The following LEMD3 variants were observed in gnomAD, a reference collection of about 807,000 sequenced individuals.
LEMD3 encodes the protein LEM domain containing 3.
In LEMD3, 33 loss-of-function variants were observed where a neutral mutation model predicts 95.2. The ratio of observed to expected loss-of-function variants is 0.35; its 90% CI spans 0.26 to 0.46. The LOEUF is 0.46. Ranked by LOEUF, LEMD3 falls within the 20% of genes least tolerant of loss-of-function variation. The pLI is 1.00. For synonymous variants in LEMD3, 525 were observed against 474.6 expected, an observed-to-expected ratio of 1.11 and a Z score of -1.38; for missense variants, 1,210 against 1,192.8, an observed-to-expected ratio of 1.01 and a Z score of -0.21.
At chr12:65,213,087 A>AAGATAGATAGATAGATAGATAGAT (rs147534273) in intron 2 of LEMD3, among the ~76,000 whole-genome samples, 274 of 152,010 alleles carry the variant, frequency 1.8e-3, no homozygotes, top group African/African-American at 6.2e-3. Flanking sequence ...CAAGACTGTA[A>AAGATAGATAGATAGATAGATAGAT]AGATAGATAG....
At chr12:65,234,254 TG>T (rs1305812465) in intron 4 of LEMD3, among the ~76,000 whole-genome samples, 2 of 152,158 alleles carry the variant, frequency 1.3e-5, no homozygotes, top group African/African-American at 4.8e-5. Flanking sequence ...GAAATTTATA[TG>T]GCTGCACAGC....
rs1186149927 is a variant in LEMD3 at position 65,169,637 on chromosome 12, A to G, written c.41A>G (p.Asp14Gly). 6.3e-7 allele frequency: 1 copy of G among 1,589,418 alleles called. No homozygotes were observed. The highest frequency in any genetic ancestry group is 2.3e-5 in the East Asian group (1 of 44,042). Residue 14 changes from aspartate to glycine, a missense_variant, in exon 1 of 13, where the codon GAT (aspartate) becomes GGT (glycine). Around this residue, in one of 2 missense-constraint regions of LEMD3, gnomAD observed 749 missense variants for 622.9 expected, o/e 1.20. Coordinates refer to ENST00000308330, the MANE Select transcript of LEMD3 (RefSeq NM_014319.5). ...AAASAPQQLS[D>G]EELFSQLRRY... The stretch of plus-strand genomic sequence containing the variant: ...GCTTCGGCGCCTCAGCAGCTCTCGG[A>G]TGAGGAGCTTTTCTCTCAGCTCCGC...
At chr12:65,188,912 T>C (rs959310081) in intron 1 of LEMD3, among the ~76,000 whole-genome samples, 1 of 152,096 alleles carries the variant, frequency 6.6e-6, no homozygotes, top group South Asian at 2.1e-4. Flanking sequence ...GAGATGACAA[T>C]GGGCACTATC....
chr12:65,244,048 A>G (rs1357661673), intron 10 of LEMD3, among the ~76,000 whole-genome samples: 1 of 152,206 alleles, frequency 6.6e-6, no homozygotes, highest in Admixed American at 6.5e-5. Flanking sequence ...AAGCTGTAAT[A>G]GTTCTTAGAA....
At chr12:65,201,783 C>T (rs1170068249) in intron 1 of LEMD3, among the ~76,000 whole-genome samples, 1 of 152,006 alleles carries the variant, frequency 6.6e-6, no homozygotes, top group Non-Finnish European at 1.5e-5. Flanking sequence ...CTTCTTATTG[C>T]ATTAGCTAGG....
chr12:65,212,582 G>A (rs12303260), intron 2 of LEMD3, among the ~76,000 whole-genome samples: 5,576 of 151,130 alleles, frequency 0.037, 344 homozygotes, highest in African/African-American at 0.13. Context: ...ATTGGCTGAG[G>A]ATTGAGGAGG....
At chr12:65,229,662 T>C (rs547389453) in intron 4 of LEMD3, among the ~76,000 whole-genome samples, 1 of 152,308 alleles carries the variant, frequency 6.6e-6, no homozygotes, top group East Asian at 1.9e-4. Flanking sequence ...ATATGCCTGT[T>C]GGTTGTTTGT....
intron 4 of LEMD3, among the ~76,000 whole-genome samples, chr12:65,230,999 T>G (rs75054382): frequency 0.038 from 5,724 of 152,172 alleles, 356 homozygotes; most frequent in African/African-American, 0.13. Context: ...TCTGTAGCCT[T>G]TAGAAGATTT....
Position 65,230,727 on chromosome 12 carries a change from A to G in LEMD3, c.1696-7775A>G, listed in dbSNP as rs577042848. Among the ~76,000 whole-genome samples, 14 of 152,246 alleles carry G rather than the reference A, an allele frequency of 9.2e-5. 1 individual carries two copies. Among genetic ancestry groups the G allele is most frequent in the African/African-American group, 2.9e-4 (12 of 41,556 alleles). On this transcript the variant is annotated intron_variant, in intron 4 of 12. Coordinates refer to ENST00000308330, the MANE Select transcript of LEMD3 (RefSeq NM_014319.5). Reference sequence around the variant, plus strand: ...ATAGGAACAATTTTTCTCCTTTCCAATTTGGATGCCCTTTATTTCTTTTTC... The same window carrying G: ...ATAGGAACAATTTTTCTCCTTTCCAGTTTGGATGCCCTTTATTTCTTTTTC...
intron 4 of LEMD3, among the ~76,000 whole-genome samples, chr12:65,234,502 A>G (rs891220970): frequency 5.3e-5 from 8 of 152,184 alleles, no homozygotes; most frequent in Admixed American, 4.6e-4. Flanking sequence ...TGCCGTATAT[A>G]TATTTGTGGA....
chr12:65,192,803 G>T (rs1869284556), intron 1 of LEMD3, among the ~76,000 whole-genome samples: 1 of 152,096 alleles, frequency 6.6e-6, no homozygotes, highest in Non-Finnish European at 1.5e-5. Flanking sequence ...AAATGATCTA[G>T]ATATTCAATG....
Position 65,207,135 on chromosome 12 carries a change from G to A in LEMD3, c.1523-3791G>A, listed in dbSNP as rs1498790. ...TGAGGTACCTCTTGAGTACATGGCA[G>A]CAGCATTATTCCTGGCGCGTATTAG... On this transcript the variant is annotated intron_variant, in intron 1 of 12. Coordinates refer to ENST00000308330, the MANE Select transcript of LEMD3 (RefSeq NM_014319.5). Among the ~76,000 whole-genome samples the A allele has an allele frequency of 5.2e-3, 795 of 152,248 alleles. 11 individuals carry two copies. Among genetic ancestry groups the A allele is most frequent in the Middle Eastern group, 0.017 (5 of 294 alleles).
intron 6 of LEMD3, 57 bp from the exon 7 acceptor site, chr12:65,239,872 T>C (rs1251455596): frequency 1.8e-6 from 2 of 1,133,012 alleles, no homozygotes; most frequent in Non-Finnish European, 2.7e-6. Context: ...ATCACTGAAA[T>C]ATTATTGAAT....
intron 1 of LEMD3, among the ~76,000 whole-genome samples, chr12:65,183,967 C>T (rs756007184): frequency 1.3e-5 from 2 of 151,944 alleles, no homozygotes; most frequent in African/African-American, 4.8e-5. Flanking sequence ...AGGACCGTGG[C>T]GGCAGATAAG....
chr12:65,233,206 A>C (rs1870681352), intron 4 of LEMD3, among the ~76,000 whole-genome samples: 1 of 152,174 alleles, frequency 6.6e-6, no homozygotes, highest in Non-Finnish European at 1.5e-5. Flanking sequence ...AATAGAACCA[A>C]AGTACTTGCT....
chr12:65,209,464 A>AT (rs779760514), intron 1 of LEMD3, among the ~76,000 whole-genome samples: 4 of 152,122 alleles, frequency 2.6e-5, no homozygotes, highest in South Asian at 2.1e-4. Context: ...ATGACAAGGC[A>AT]TTTTTTTGGT....
chr12:65,176,256 C>T (rs1266203401), intron 1 of LEMD3, among the ~76,000 whole-genome samples: 5 of 152,218 alleles, frequency 3.3e-5, no homozygotes, highest in Non-Finnish European at 5.9e-5. Flanking sequence ...CTAAACTGTT[C>T]ATGATCTGAC....
chr12:65,227,733 CG>C (rs1431566367), intron 4 of LEMD3, among the ~76,000 whole-genome samples: 7 of 85,262 alleles, frequency 8.2e-5, no homozygotes, highest in Non-Finnish European at 1.5e-4. Context: ...AGAATTTTTG[CG>C]ATTTTTTTTT....
chr12:65,225,964 C>T (rs974628229), intron 4 of LEMD3, among the ~76,000 whole-genome samples: 50 of 152,184 alleles, frequency 3.3e-4, no homozygotes, highest in African/African-American at 1.2e-3. Flanking sequence ...AGGCAGAAGC[C>T]AGCGAGGCAA....
Sources: allele counts gnomAD v4.1 joint callset (sites outside exome capture counted in the v4.1 genomes callset), GRCh38; gene constraint gnomAD v4.1.1; regional missense constraint gnomAD v4.1.1; transcripts MANE v1.5; gene names NCBI Gene and HGNC (gene_info 2026-07-23, HGNC 2026-07-21).